Variants in CACHD1 observed in about 807,000 individuals in gnomAD.
The protein encoded by CACHD1 is cache domain containing 1.
CACHD1 carries 71 observed loss-of-function variants against 138.7 expected under a neutral mutation model. That is an observed-to-expected ratio of 0.51 (90% CI 0.42 to 0.62). The LOEUF (loss-of-function observed/expected upper bound fraction) is 0.62, where lower values mean the gene tolerates loss of function less well. Ranked by LOEUF, CACHD1 falls within the 20% of genes least tolerant of loss-of-function variation. The pLI is 0.00. For synonymous variants in CACHD1, 578 were observed against 591.5 expected (o/e 0.98, Z 0.33); for missense variants, 1,389 against 1,625.3 (o/e 0.85, Z 2.50).
intron 1 of CACHD1, among the ~76,000 whole-genome samples, chr1:64,481,953 A>G (rs1646213913): frequency 6.6e-6 from 1 of 152,170 alleles, no homozygotes; most frequent in Admixed American, 6.5e-5. Context: ...GAAAAAATAT[A>G]TTACAGAGAA....
chr1:64,691,503 A>G lies in CACHD1; in HGVS notation c.3767A>G (p.His1256Arg). ...TACCGGTCACACCACCCTACACTTC[A>G]TCATAGCCACCACTTACAGGCGGCC... ...HHYRSHHPTL[H>R]HSHHLQAAVT... The change falls in exon 27 of 27, where the codon CAT (histidine) becomes CGT (arginine). Residue 1256 changes from histidine to arginine, a missense_variant. This residue lies in a region of CACHD1 where 78 missense variants were observed against 76.9 expected (regional missense o/e 1.01). Coordinates refer to ENST00000651257, the MANE Select transcript of CACHD1 (RefSeq NM_020925.4). 1.9e-6 allele frequency: 3 copies of G among 1,614,074 alleles called. No homozygotes were observed. Among genetic ancestry groups the G allele is most frequent in the South Asian group, 2.2e-5 (2 of 91,082 alleles).
chr1:64,528,186 T>G (rs1646555228), intron 1 of CACHD1, among the ~76,000 whole-genome samples: 2 of 152,146 alleles, frequency 1.3e-5, no homozygotes, highest in Admixed American at 6.5e-5. Flanking sequence ...CTCATATGAG[T>G]TAAGTTTGAA....
At chr1:64,635,399 T>TTC (rs1648485012) in intron 7 of CACHD1, among the ~76,000 whole-genome samples, 2 of 148,886 alleles carry the variant, frequency 1.3e-5, no homozygotes, top group African/African-American at 5.0e-5. Flanking sequence ...TTTTTTTTTT[T>TTC]TGGAGACAGA....
chr1:64,629,555 T>C (rs1648230235), intron 5 of CACHD1, 74 bp downstream of exon 5: 2 of 1,515,958 alleles, frequency 1.3e-6, no homozygotes, highest in Non-Finnish European at 1.8e-6. Flanking sequence ...AACTTCTCAT[T>C]TCTACTCATG....
chr1:64,585,741 G>A (rs1276263109), intron 3 of CACHD1, among the ~76,000 whole-genome samples: 2 of 152,232 alleles, frequency 1.3e-5, no homozygotes, highest in African/African-American at 2.4e-5. Flanking sequence ...GAAGTGGCCT[G>A]TGAGGACTCC....
At chr1:64,661,808 G>C (rs541368844) in intron 13 of CACHD1, among the ~76,000 whole-genome samples, 134 of 152,282 alleles carry the variant, frequency 8.8e-4, no homozygotes, top group African/African-American at 3.0e-3. Context: ...AGCCAATGAA[G>C]ATATCATCAG....
In CACHD1 at chr1:64,470,737, G is replaced by A; in HGVS notation, c.-8G>A. ...GGAGCCCGTCGGCGGGGAGTGGGGG[G>A]AGGCAGCATGGCCCGCCAGCCGGAG... On this transcript the variant is annotated 5_prime_UTR_variant, in exon 1 of 27. Coordinates refer to ENST00000651257, the MANE Select transcript of CACHD1 (RefSeq NM_020925.4). This position sits in a 1 kb window ranked among gnomAD's most constrained non-coding sequence, Gnocchi z 5.2. The A allele has an allele frequency of 5.0e-6, 3 of 598,366 alleles. No homozygotes were observed. Among genetic ancestry groups the A allele is most frequent in the East Asian group, 3.4e-5 (1 of 29,076 alleles). The allele number at this position is 598,366 out of a possible 1,614,324, so 37.1% of individuals were successfully genotyped here. A position where few individuals can be genotyped will look rare whatever the true frequency, so the allele number is the denominator to read the frequency against.
At chr1:64,572,671 T>C (rs1646935408) in intron 2 of CACHD1, among the ~76,000 whole-genome samples, 1 of 152,230 alleles carries the variant, frequency 6.6e-6, no homozygotes, top group Non-Finnish European at 1.5e-5. Context: ...TTCTCTGGCA[T>C]GTCAGCACTT....
At chr1:64,624,325 G>T (rs1337396527) in intron 4 of CACHD1, among the ~76,000 whole-genome samples, 1 of 152,132 alleles carries the variant, frequency 6.6e-6, no homozygotes, top group Non-Finnish European at 1.5e-5. Context: ...TATGAGTTCT[G>T]ATTTATTTTT....
chr1:64,651,627 C>G (rs1300882223), intron 9 of CACHD1, among the ~76,000 whole-genome samples: 3 of 152,040 alleles, frequency 2.0e-5, no homozygotes, highest in Admixed American at 6.6e-5. Context: ...TGCATTCCAA[C>G]CTGGGTGACA....
At chr1:64,576,505 A>G (rs898992398) in intron 2 of CACHD1, among the ~76,000 whole-genome samples, 1 of 152,054 alleles carries the variant, frequency 6.6e-6, no homozygotes, top group Admixed American at 6.6e-5. Context: ...AAAAAAAAAA[A>G]AAGACGCGAT....
chr1:64,677,445 A>G lies in CACHD1; in HGVS notation c.3092+434A>G, dbSNP rs114347846. Among the ~76,000 whole-genome samples the G allele has an allele frequency of 9.1e-3, 1,390 of 152,324 alleles. 21 individuals are homozygous for G. The highest frequency in any genetic ancestry group is 0.032 in the African/African-American group (1,322 of 41,564). On this transcript the variant is annotated intron_variant, in intron 22 of 26. Transcript: ENST00000651257. ...CTCTCCCCACTCCTCAGGTGGGATT[A>G]GGAGTTTGGGACTAGACATTATGGA...
At chr1:64,484,225 G>A (rs1220393714) in intron 1 of CACHD1, among the ~76,000 whole-genome samples, 1 of 152,026 alleles carries the variant, frequency 6.6e-6, no homozygotes, top group Non-Finnish European at 1.5e-5. Flanking sequence ...AATCAGGGGA[G>A]GGGCTGGGGG....
chr1:64,650,341 G>A (rs1649047909), intron 9 of CACHD1, among the ~76,000 whole-genome samples: 1 of 152,174 alleles, frequency 6.6e-6, no homozygotes, highest in Admixed American at 6.5e-5. Flanking sequence ...TCAGGGGACT[G>A]TGGTGGGCAG....
intron 4 of CACHD1, among the ~76,000 whole-genome samples, chr1:64,615,349 G>A (rs1242543332): frequency 6.6e-6 from 1 of 152,212 alleles, no homozygotes; most frequent in Admixed American, 6.5e-5. Flanking sequence ...CTTCTACACA[G>A]TGTCAGCAAA....
At chr1:64,491,256 C>G (rs1646272893) in intron 1 of CACHD1, among the ~76,000 whole-genome samples, 2 of 146,772 alleles carry the variant, frequency 1.4e-5, no homozygotes, top group South Asian at 2.1e-4. Flanking sequence ...CTCTCTCTCT[C>G]TCTCTTTTTT....
intron 7 of CACHD1, among the ~76,000 whole-genome samples, chr1:64,640,002 G>A (rs4915995): frequency 0.98 from 149,455 of 152,318 alleles, 73,409 homozygotes; most frequent in East Asian, 1. Context: ...TTCAGTTCCA[G>A]GGGCCTCTGT....
chr1:64,662,655 A>C (rs2100700074), intron 13 of CACHD1, among the ~76,000 whole-genome samples: 1 of 152,348 alleles, frequency 6.6e-6, no homozygotes, highest in South Asian at 2.1e-4. Context: ...AGCTTTTAAA[A>C]ATACTATAAG....
At position 64,673,463 on chromosome 1, in the gene CACHD1, C is replaced by T. The variant is rs143494539; in HGVS notation, c.2726C>T (p.Ala909Val). The T allele has an allele frequency of 9.8e-5, 157 of 1,605,898 alleles. No individual in the cohort carries two copies. In the African/African-American group the frequency reaches 1.5e-3, roughly 15 times the overall value. The part of the protein sequence containing the change: ...QRFYKFNTSL[A>V]GDLTNLVHGS... ...TTTTATAAATTCAACACCAGCCTTG[C>T]GGTAAGTTGATCTGATTCCTTAACA... The change falls in exon 19 of 27, where the codon GCG (alanine) becomes GTG (valine). Residue 909 changes from alanine (A) to valine (V), a missense_variant and splice_region_variant. Physicochemically the swap from Ala to Val is moderately conservative, Grantham distance 64. This residue lies in a region of CACHD1 where 50 missense variants were observed against 108.2 expected (regional missense o/e 0.46). Transcript: ENST00000651257.
Sources: allele counts gnomAD v4.1 joint callset (sites outside exome capture counted in the v4.1 genomes callset), GRCh38; gene constraint gnomAD v4.1.1; regional missense constraint gnomAD v4.1.1; non-coding constraint Gnocchi (gnomAD v3.1); transcripts MANE v1.5; gene names NCBI Gene and HGNC (gene_info 2026-07-23, HGNC 2026-07-21).